ATF6: variants seen among roughly 807,000 people sequenced by gnomAD.
ATF6 encodes the protein activating transcription factor 6.
A neutral mutation model predicts 83.6 loss-of-function variants in ATF6; 53 were observed. That is an observed-to-expected ratio of 0.63 (90% CI 0.51 to 0.80). The LOEUF (loss-of-function observed/expected upper bound fraction) is 0.80, where lower values mean the gene tolerates loss of function less well. Among genes scored for constraint, ATF6 ranks in the 30% least tolerant of loss-of-function variants. The pLI is 0.00. For missense variants in ATF6, 744 were observed against 797.9 expected, an observed-to-expected ratio of 0.93 and a Z score of 0.81; for synonymous variants, 288 against 285.8, an observed-to-expected ratio of 1.01 and a Z score of -0.08.
intron 6 of ATF6, among the ~76,000 whole-genome samples, chr1:161,797,154 T>C (rs954034895): frequency 2.0e-5 from 3 of 152,156 alleles, no homozygotes; most frequent in Non-Finnish European, 2.9e-5. Context: ...AAATTAGGCA[T>C]CAAAGGAACA....
intron 1 of ATF6, among the ~76,000 whole-genome samples, chr1:161,767,207 T>C (rs1174386659): frequency 6.6e-6 from 1 of 152,166 alleles, no homozygotes; most frequent in Non-Finnish European, 1.5e-5. Flanking sequence ...TGGGATTGTG[T>C]AGGTTCCCAA....
chr1:161,847,634 G>C (rs1176017276), intron 10 of ATF6, among the ~76,000 whole-genome samples: 2 of 151,950 alleles, frequency 1.3e-5, no homozygotes, highest in African/African-American at 4.8e-5. Context: ...TCTCTTAACG[G>C]TGCCCCTGAA....
At chr1:161,888,762 C>T (rs1687485192) in intron 14 of ATF6, among the ~76,000 whole-genome samples, 1 of 152,118 alleles carries the variant, frequency 6.6e-6, no homozygotes, top group South Asian at 2.1e-4. Flanking sequence ...CACCTCCATC[C>T]TTCATATCAT....
At chr1:161,938,373 G>T (rs1460471801) in intron 15 of ATF6, among the ~76,000 whole-genome samples, 1 of 152,210 alleles carries the variant, frequency 6.6e-6, no homozygotes, top group African/African-American at 2.4e-5. Context: ...GGAGTATTGT[G>T]TGTGAAGAGT....
chr1:161,806,943 T>C (rs1010564330), intron 7 of ATF6, among the ~76,000 whole-genome samples: 2 of 152,156 alleles, frequency 1.3e-5, no homozygotes, highest in African/African-American at 4.8e-5. Context: ...GACATGGGCC[T>C]AGATGGATGC....
At chr1:161,895,240 A>G (rs887379052) in intron 14 of ATF6, among the ~76,000 whole-genome samples, 3 of 152,216 alleles carry the variant, frequency 2.0e-5, no homozygotes, top group Non-Finnish European at 4.4e-5. Flanking sequence ...CTGTGTCAAA[A>G]AAATAAATAA....
intron 15 of ATF6, among the ~76,000 whole-genome samples, chr1:161,926,676 TACC>T (rs1319967874): frequency 2.0e-5 from 3 of 152,152 alleles, no homozygotes; most frequent in Non-Finnish European, 4.4e-5. Flanking sequence ...AGGGTATGAA[TACC>T]AGAAAGTGGG....
In ATF6 at chr1:161,960,641, C is replaced by A. The variant is rs925137457; in HGVS notation, c.*1987C>A. The A allele has an allele frequency of 6.6e-6, 1 of 152,206 alleles. No homozygotes were observed. The highest frequency in any genetic ancestry group is 2.4e-5 in the African/African-American group (1 of 41,456). 9.4% of individuals were successfully genotyped at this position (152,206 alleles called of 1,614,324 possible). On this transcript the variant is annotated 3_prime_UTR_variant, in exon 16 of 16. Coordinates refer to ENST00000367942, the MANE Select transcript of ATF6 (RefSeq NM_007348.4). ...GTTTGAAAAGTGCTAATTAACCTTC[C>A]TCTTTTTCCACATTACAAACCTTTT...
chr1:161,939,810 A>G (rs188487584), intron 15 of ATF6, among the ~76,000 whole-genome samples: 7 of 152,306 alleles, frequency 4.6e-5, no homozygotes, highest in African/African-American at 1.7e-4. Context: ...GAGTCACATG[A>G]TGATAACTTG....
intron 4 of ATF6, among the ~76,000 whole-genome samples, chr1:161,785,818 A>G (rs563190930): frequency 3.5e-4 from 53 of 152,286 alleles, no homozygotes; most frequent in African/African-American, 1.2e-3. Flanking sequence ...GCAGTATGTA[A>G]GAGGGCCTGT....
At chr1:161,783,416 G>C (rs1445173111) in intron 3 of ATF6, among the ~76,000 whole-genome samples, 1 of 151,792 alleles carries the variant, frequency 6.6e-6, no homozygotes, top group Non-Finnish European at 1.5e-5. Flanking sequence ...TGACACCAAG[G>C]GATACTGCCT....
At chr1:161,867,260 ACT>A (rs1687026087) in intron 14 of ATF6, among the ~76,000 whole-genome samples, 1 of 151,834 alleles carries the variant, frequency 6.6e-6, no homozygotes, top group African/African-American at 2.4e-5. Context: ...GCGCCACTGC[ACT>A]CCAGCCTGGG....
At chr1:161,873,453 A>G (rs756182388) in intron 14 of ATF6, among the ~76,000 whole-genome samples, 1 of 151,532 alleles carries the variant, frequency 6.6e-6, no homozygotes, top group African/African-American at 2.4e-5. Flanking sequence ...ACTCAGGATC[A>G]AGGTCTGAAA....
At chr1:161,905,297 T>C (rs1306670483) in intron 14 of ATF6, among the ~76,000 whole-genome samples, 3 of 152,216 alleles carry the variant, frequency 2.0e-5, no homozygotes, top group African/African-American at 2.4e-5. Flanking sequence ...TAAAAAAATA[T>C]ATATTTTTTG....
intron 15 of ATF6, among the ~76,000 whole-genome samples, chr1:161,947,548 C>T (rs1012541972): frequency 7.2e-5 from 11 of 152,176 alleles, no homozygotes; most frequent in East Asian, 5.8e-4. Context: ...GAAAAGAATT[C>T]GTTTTTATGG....
At chr1:161,836,080 C>T (rs1686205949) in intron 9 of ATF6, among the ~76,000 whole-genome samples, 1 of 152,128 alleles carries the variant, frequency 6.6e-6, no homozygotes, top group Admixed American at 6.5e-5. Context: ...TCTTATGAGA[C>T]TGTGCTTTAA....
At chr1:161,858,487 A>C (rs1686812202) in intron 12 of ATF6, among the ~76,000 whole-genome samples, 1 of 152,212 alleles carries the variant, frequency 6.6e-6, no homozygotes, top group Non-Finnish European at 1.5e-5. Flanking sequence ...TATATTAATC[A>C]GAAAAAGTAG....
intron 13 of ATF6, 113 bp from the exon 14 acceptor site, chr1:161,863,085 T>G: frequency 1.8e-6 from 1 of 567,936 alleles, no homozygotes. Flanking sequence ...GTGCAACTAA[T>G]ATTTTGGTTG....
At chr1:161,892,684 T>C (rs1252551814) in intron 14 of ATF6, among the ~76,000 whole-genome samples, 2 of 147,292 alleles carry the variant, frequency 1.4e-5, no homozygotes, top group South Asian at 4.3e-4. Context: ...GGCTGGAGTG[T>C]GGAGTGCAGT....
Sources: allele counts gnomAD v4.1 joint callset (sites outside exome capture counted in the v4.1 genomes callset), GRCh38; gene constraint gnomAD v4.1.1; transcripts MANE v1.5; gene names NCBI Gene and HGNC (gene_info 2026-07-23, HGNC 2026-07-21).